THOC2: variants seen among roughly 807,000 people sequenced by gnomAD.
THOC2 encodes the protein THO complex 2.
Under a neutral mutation model 128.4 loss-of-function variants are expected in THOC2, and 10 were observed. The ratio of observed to expected loss-of-function variants is 0.08; its 90% confidence interval spans 0.05 to 0.13. THOC2 has a LOEUF of 0.13. Ranked by LOEUF, THOC2 falls within the 10% of genes least tolerant of loss-of-function variation. The probability of loss-of-function intolerance (pLI) is 1.00; values close to 1 mark genes in which losing one functional copy is unlikely to be tolerated. For missense variants in THOC2, 535 were observed against 1,155.7 expected, an observed-to-expected ratio of 0.46 and a Z score of 7.79; for synonymous variants, 393 against 396.9, an observed-to-expected ratio of 0.99 and a Z score of 0.12.
At chrX:123,721,827 A>G (rs1386226523) in intron 1 of THOC2, among the ~76,000 whole-genome samples, 2 of 111,121 alleles carry the variant, frequency 1.8e-5, no homozygotes, top group Non-Finnish European at 3.8e-5. Flanking sequence ...ACATCCTTTC[A>G]ATAGCCTATA....
chrX:123,665,663 T>C lies in THOC2; in HGVS notation c.1365A>G (p.Ile455Met). The C allele has an allele frequency of 8.5e-7, 1 of 1,177,185 alleles. No homozygotes were observed. Among genetic ancestry groups the C allele is most frequent in the Non-Finnish European group, 1.1e-6 (1 of 877,689 alleles). Reference protein sequence around the residue: ...DPILFAKVVRIGKSFMKEFQS... With the variant: ...DPILFAKVVRMGKSFMKEFQS... The stretch of plus-strand genomic sequence containing the variant: ...TTACCTCCTTCATAAATGACTTGCC[T>C]ATGCGCACCACTTTTGCAAATAAAA... Residue 455 changes from isoleucine (I) to methionine (M), a missense_variant, in exon 12 of 39, where the codon ATA (isoleucine) becomes ATG (methionine). By Grantham distance (10) the Ile-to-Met change is conservative. Transcript: ENST00000245838.
At chrX:123,656,879 G>A (rs947613547) in intron 12 of THOC2, among the ~76,000 whole-genome samples, 1 of 107,979 alleles carries the variant, frequency 9.3e-6, no homozygotes, top group South Asian at 4.1e-4. Context: ...GTGTGGTGGC[G>A]CATGCTTATA....
chrX:123,651,249 C>T (rs1017051464), intron 12 of THOC2, among the ~76,000 whole-genome samples: 2 of 111,738 alleles, frequency 1.8e-5, no homozygotes, highest in African/African-American at 6.5e-5. Flanking sequence ...TATTTGAAAC[C>T]AATGAGAACA....
At chrX:123,706,299 T>C (rs1354619685) in intron 3 of THOC2, among the ~76,000 whole-genome samples, 1 of 112,092 alleles carries the variant, frequency 8.9e-6, no homozygotes, top group Admixed American at 9.5e-5. Flanking sequence ...GCTTATACTA[T>C]ATTGAGAGAA....
chrX:123,632,306 G>A (rs1046916239), intron 21 of THOC2, among the ~76,000 whole-genome samples: 3 of 109,087 alleles, frequency 2.8e-5, no homozygotes, highest in East Asian at 2.9e-4. Context: ...TGGGCAACAC[G>A]GCAGAGGCCC....
chrX:123,716,040 G>C (rs2147964424), intron 1 of THOC2, among the ~76,000 whole-genome samples: 1 of 111,258 alleles, frequency 9.0e-6, no homozygotes, highest in African/African-American at 3.3e-5. Context: ...ACAGGTCAAT[G>C]CCTCTTATAA....
intron 2 of THOC2, among the ~76,000 whole-genome samples, chrX:123,711,194 TG>T (rs1209854705): frequency 2.0e-5 from 2 of 102,373 alleles, no homozygotes; most frequent in African/African-American, 7.1e-5. Context: ...AATTTTTTTT[TG>T]TTTTTGTTTT....
At chrX:123,607,429 C>A (rs1490240499) in intron 38 of THOC2, among the ~76,000 whole-genome samples, 1 of 104,517 alleles carries the variant, frequency 9.6e-6, no homozygotes, top group African/African-American at 3.5e-5. Flanking sequence ...GTGCATACTA[C>A]CATGCCTAGC....
chrX:123,626,867 A>C (rs1311252772), intron 23 of THOC2, among the ~76,000 whole-genome samples: 1 of 111,738 alleles, frequency 8.9e-6, no homozygotes, highest in African/African-American at 3.3e-5. Flanking sequence ...AACAGGCTAC[A>C]TTTGCAACAC....
intron 9 of THOC2, 48 bp downstream of exon 9, chrX:123,671,621 A>T: frequency 1.2e-6 from 1 of 861,581 alleles, no homozygotes; most frequent in Non-Finnish European, 1.6e-6. Context: ...CCTCTTCCCT[A>T]CCCTTGGGAC....
At chrX:123,603,452 T>A in intron 38 of THOC2, 1 of 425,384 alleles carries the variant, frequency 2.4e-6, no homozygotes, top group East Asian at 4.2e-5. Context: ...TAAAACTCAG[T>A]GAAATTTTCA....
chrX:123,626,705 T>C, intron 23 of THOC2, 43 bp from the exon 24 acceptor site: 1 of 1,115,759 alleles, frequency 9.0e-7, no homozygotes, highest in Non-Finnish European at 1.2e-6. Flanking sequence ...TATATGCACA[T>C]TACCTTTCTT....
intron 9 of THOC2, 82 bp downstream of exon 9, chrX:123,671,586 TG>T: frequency 1.9e-6 from 1 of 521,701 alleles, no homozygotes; most frequent in Non-Finnish European, 3.0e-6. Context: ...AACCCAATCC[TG>T]GGGGTGCTAT....
chrX:123,620,840 G>C, intron 32 of THOC2, 67 bp downstream of exon 32: 1 of 1,062,535 alleles, frequency 9.4e-7, no homozygotes, highest in Non-Finnish European at 1.3e-6. Context: ...CTTGAAGGAA[G>C]TCAGGACACT....
intron 32 of THOC2, 151 bp downstream of exon 32, chrX:123,620,756 C>T: frequency 2.1e-6 from 1 of 471,440 alleles, no homozygotes. Flanking sequence ...AAAATCAGTC[C>T]ACCAATATAG....
At chrX:123,668,894 A>G (rs968823417) in intron 9 of THOC2, among the ~76,000 whole-genome samples, 4 of 111,811 alleles carry the variant, frequency 3.6e-5, no homozygotes, top group African/African-American at 1.3e-4. Context: ...TCAACCCTCC[A>G]TTATGAAAAA....
At position 123,715,891 on chromosome X, in the gene THOC2, A is replaced by G. The variant is rs372627907; in HGVS notation, c.72-2983T>C. On this transcript the variant is annotated intron_variant, in intron 1 of 38. Coordinates refer to ENST00000245838, the MANE Select transcript of THOC2 (RefSeq NM_001081550.2). Reference sequence around the variant, plus strand: ...ACAAATCTTTAGCTAGACATTCAATAAAGAAAAAGAAAATTCAAACAATAT... The same window carrying G: ...ACAAATCTTTAGCTAGACATTCAATGAAGAAAAAGAAAATTCAAACAATAT... Among the ~76,000 whole-genome samples the G allele has an allele frequency of 6.3e-5, 7 of 111,682 alleles. No homozygotes were observed. The East Asian group carries it at 1.9e-3, about 31-fold the overall frequency.
intron 22 of THOC2, among the ~76,000 whole-genome samples, chrX:123,629,220 C>T (rs2047384406): frequency 9.6e-6 from 1 of 104,129 alleles, no homozygotes; most frequent in Non-Finnish European, 2.0e-5. Flanking sequence ...CACACACACA[C>T]ACACACACAC....
chrX:123,730,151 T>C lies in THOC2; in HGVS notation c.71+2801A>G, dbSNP rs998563797. On this transcript the variant is annotated intron_variant, in intron 1 of 38. Transcript: ENST00000245838. ...GTTCTAATAACAGGTTTTTTTGCTG[T>C]TGTTTTTGGTTTGTTTTTGTTTGGG... Among the ~76,000 whole-genome samples, 3 of 108,590 alleles carry C rather than the reference T, an allele frequency of 2.8e-5. No homozygotes were observed. The East Asian group carries it at 8.8e-4, about 32-fold the overall frequency. The allele number at this position is 108,590 out of a possible 115,157, so 94.3% of individuals were successfully genotyped here. A position where few individuals can be genotyped will look rare whatever the true frequency, so the allele number is the denominator to read the frequency against.
Sources: gnomAD v4.1 joint callset for allele counts (sites outside exome capture counted in the v4.1 genomes callset) on GRCh38, gnomAD v4.1.1 for gene constraint, MANE v1.5 for transcripts, NCBI Gene and HGNC (gene_info 2026-07-23, HGNC 2026-07-21) for gene names.